The following MICU1 variants were observed in gnomAD, a reference collection of about 807,000 sequenced individuals.
MICU1 encodes the protein calcium uptake protein 1, mitochondrial.
In MICU1, 45 loss-of-function variants were observed where a neutral mutation model predicts 56.8. The ratio of observed to expected loss-of-function variants is 0.79; its 90% CI spans 0.62 to 1.02. The LOEUF is 1.02. MICU1 is among the 50% of genes least tolerant of loss of function. The probability of loss-of-function intolerance (pLI) is 0.00; values close to 1 mark genes in which losing one functional copy is unlikely to be tolerated. For missense variants in MICU1, 504 were observed against 587.1 expected, an observed-to-expected ratio of 0.86 and a Z score of 1.46; for synonymous variants, 186 against 195.1, an observed-to-expected ratio of 0.95 and a Z score of 0.39.
At chr10:72,541,041 G>A (rs1010578517) in intron 4 of MICU1, among the ~76,000 whole-genome samples, 1 of 152,190 alleles carries the variant, frequency 6.6e-6, no homozygotes, top group Non-Finnish European at 1.5e-5. Context: ...GCACTTCATG[G>A]GATCTGCAGA....
At chr10:72,397,602 T>C (rs567426220) in intron 10 of MICU1, among the ~76,000 whole-genome samples, 20 of 151,018 alleles carry the variant, frequency 1.3e-4, no homozygotes, top group Middle Eastern at 3.4e-3. Flanking sequence ...ACCAAGGAAA[T>C]GGAAAACAAA....
At chr10:72,532,889 AG>A in intron 5 of MICU1, 1 of 1,171,384 alleles carries the variant, frequency 8.5e-7, no homozygotes, top group Non-Finnish European at 1.1e-6. Context: ...CCACCTTACC[AG>A]GATATGGACT....
chr10:72,440,220 G>C (rs1242673638), intron 8 of MICU1, among the ~76,000 whole-genome samples: 1 of 152,144 alleles, frequency 6.6e-6, no homozygotes, highest in Non-Finnish European at 1.5e-5. Flanking sequence ...TAATGGAACA[G>C]AACAGAGGCC....
intron 10 of MICU1, among the ~76,000 whole-genome samples, chr10:72,396,150 G>T (rs181033878): frequency 1.3e-5 from 2 of 152,334 alleles, no homozygotes; most frequent in East Asian, 3.9e-4. Flanking sequence ...ACAGGGTCTG[G>T]AGTGGACCTC....
rs564558402 is a variant in MICU1 at position 72,449,408 on chromosome 10, A to AT, written c.933+25691dup. Reference sequence around the variant, plus strand: ...GCAAGACTCTGTCTCAAAAAAAAAAATTTTTTTTTGGTAAAGACAGGGTCT... The same window carrying AT: ...GCAAGACTCTGTCTCAAAAAAAAAAATTTTTTTTTTGGTAAAGACAGGGTCT... On this transcript the variant is annotated intron_variant, in intron 8 of 11. Coordinates refer to ENST00000361114, the MANE Select transcript of MICU1 (RefSeq NM_001195518.2). 3.7e-3 allele frequency among the ~76,000 whole-genome samples: 561 copies of AT among 150,670 alleles called. 4 individuals carry two copies. The highest frequency in any genetic ancestry group is 5.1e-3 in the East Asian group (26 of 5,114).
chr10:72,534,747 T>A (rs180966283), intron 4 of MICU1, among the ~76,000 whole-genome samples: 1 of 152,166 alleles, frequency 6.6e-6, no homozygotes, highest in Non-Finnish European at 1.5e-5. Context: ...CATTTGGTTA[T>A]ACATTCTTCT....
chr10:72,390,661 G>T (rs2132065530), intron 10 of MICU1, among the ~76,000 whole-genome samples: 1 of 152,268 alleles, frequency 6.6e-6, no homozygotes. Context: ...ATTTCTGAAG[G>T]TTCTAACCTT....
At chr10:72,577,592 T>C (rs1840782594) in intron 1 of MICU1, among the ~76,000 whole-genome samples, 1 of 151,714 alleles carries the variant, frequency 6.6e-6, no homozygotes, top group Non-Finnish European at 1.5e-5. Flanking sequence ...TCATTGCATA[T>C]GCGGAGGAAA....
At chr10:72,623,253 G>A (rs1451860358) in intron 1 of MICU1, among the ~76,000 whole-genome samples, 8 of 117,718 alleles carry the variant, frequency 6.8e-5, no homozygotes, top group South Asian at 5.8e-4. Context: ...CCTTGGCAAC[G>A]AGAGTGAAAC....
At chr10:72,485,429 T>C (rs182398634) in intron 6 of MICU1, among the ~76,000 whole-genome samples, 8 of 152,074 alleles carry the variant, frequency 5.3e-5, no homozygotes, top group Admixed American at 5.2e-4. Flanking sequence ...ATTTATGACA[T>C]GCTTATTATA....
intron 1 of MICU1, among the ~76,000 whole-genome samples, chr10:72,608,679 A>G (rs1158305002): frequency 1.3e-5 from 2 of 152,204 alleles, no homozygotes; most frequent in Non-Finnish European, 2.9e-5. Flanking sequence ...TTGTTAGTCG[A>G]ATTAAGTTTG....
intron 1 of MICU1, among the ~76,000 whole-genome samples, chr10:72,601,428 T>TAAA (rs77385847): frequency 3.3e-5 from 3 of 91,012 alleles, no homozygotes; most frequent in South Asian, 3.4e-4. Context: ...ACCCTGTCTT[T>TAAA]AAAAAAAAAA....
intron 1 of MICU1, among the ~76,000 whole-genome samples, chr10:72,615,032 G>T (rs1468028618): frequency 6.6e-6 from 1 of 152,132 alleles, no homozygotes; most frequent in Non-Finnish European, 1.5e-5. Flanking sequence ...TTTCTGAAAA[G>T]GGCAAATATA....
At chr10:72,429,731 T>C (rs886760195) in intron 8 of MICU1, among the ~76,000 whole-genome samples, 38 of 152,224 alleles carry the variant, frequency 2.5e-4, no homozygotes, top group African/African-American at 9.2e-4. Flanking sequence ...TCTACCTCCA[T>C]GATACTGATT....
chr10:72,569,237 A>ATATATTTTTTTTT, intron 1 of MICU1, among the ~76,000 whole-genome samples: 40 of 34,366 alleles, frequency 1.2e-3, no homozygotes, highest in Non-Finnish European at 1.8e-3. Context: ...ATATATATAT[A>ATATATTTTTTTTT]TTTTTTTTTT....
At chr10:72,623,082 A>C (rs1008089016) in intron 1 of MICU1, among the ~76,000 whole-genome samples, 1 of 152,000 alleles carries the variant, frequency 6.6e-6, no homozygotes, top group Non-Finnish European at 1.5e-5. Context: ...CAGCCTGGCC[A>C]ACATAGTAAA....
chr10:72,586,639 G>A (rs368492636), intron 1 of MICU1, among the ~76,000 whole-genome samples: 27 of 150,512 alleles, frequency 1.8e-4, no homozygotes, highest in African/African-American at 5.9e-4. Context: ...GCAACAGAGC[G>A]AGACTCCATC....
intron 1 of MICU1, among the ~76,000 whole-genome samples, chr10:72,604,361 C>CCG (rs1554896252): frequency 3.3e-5 from 5 of 150,306 alleles, no homozygotes; most frequent in Non-Finnish European, 7.4e-5. Flanking sequence ...GCAACCTCCC[C>CCG]CTCCTGGGTT....
At chr10:72,619,997 A>C (rs1204195713) in intron 1 of MICU1, among the ~76,000 whole-genome samples, 1 of 152,182 alleles carries the variant, frequency 6.6e-6, no homozygotes, top group African/African-American at 2.4e-5. Flanking sequence ...GTGCTGATTC[A>C]ATCTTATTAG....
Sources: allele counts gnomAD v4.1 joint callset (sites outside exome capture counted in the v4.1 genomes callset), GRCh38; gene constraint gnomAD v4.1.1; transcripts MANE v1.5; gene names NCBI Gene and HGNC (gene_info 2026-07-23, HGNC 2026-07-21).